AGAP1: variants seen among roughly 807,000 people sequenced by gnomAD.
AGAP1 encodes ArfGAP with GTPase domain, ankyrin repeat and PH domain 1.
In AGAP1, 29 loss-of-function variants were observed where a neutral mutation model predicts 105.3. That is an observed-to-expected ratio of 0.28 (90% CI 0.21 to 0.38). The LOEUF (loss-of-function observed/expected upper bound fraction) is 0.38. Among genes scored for constraint, AGAP1 ranks in the 10% least tolerant of loss-of-function variants. The pLI, the probability that AGAP1 is intolerant of heterozygous loss-of-function variation, is 1.00. For missense variants in AGAP1, 998 were observed against 1,165.1 expected, an observed-to-expected ratio of 0.86 and a Z score of 2.09; for synonymous variants, 509 against 485.9, an observed-to-expected ratio of 1.05 and a Z score of -0.63.
Position 235,551,721 on chromosome 2 carries a change from G to C in AGAP1, c.163+56872G>C, listed in dbSNP as rs756882476. 6.6e-6 allele frequency among the ~76,000 whole-genome samples: 1 copy of C among 152,238 alleles called. No individual in the cohort carries two copies. The highest frequency in any genetic ancestry group is 2.4e-5 in the African/African-American group (1 of 41,468). ...TGTTTGCTGAGCATTTGTGAGTGGA[G>C]CATCTTTAGGGAAAGCAGGACAAAC... On this transcript the variant is annotated intron_variant, in intron 1 of 17. Coordinates refer to ENST00000304032, the MANE Select transcript of AGAP1 (RefSeq NM_001037131.3). The surrounding 1 kb of genome is among the most constrained non-coding windows in gnomAD (Gnocchi z 4.8).
At chr2:236,032,819 T>C (rs2057265762) in intron 13 of AGAP1, among the ~76,000 whole-genome samples, 1 of 151,996 alleles carries the variant, frequency 6.6e-6, no homozygotes, top group South Asian at 2.1e-4. Flanking sequence ...AGGTAAAGGA[T>C]GCAGAGAGAC....
intron 1 of AGAP1, among the ~76,000 whole-genome samples, chr2:235,626,677 T>A (rs1323536459): frequency 6.6e-6 from 1 of 152,224 alleles, no homozygotes; most frequent in African/African-American, 2.4e-5. Context: ...ACCTGAGTAA[T>A]ACTAAAAATG....
Position 235,712,815 on chromosome 2 carries a change from T to G in AGAP1, c.222+3578T>G, listed in dbSNP as rs922634978. On this transcript the variant is annotated intron_variant, in intron 2 of 17. Coordinates refer to ENST00000304032, the MANE Select transcript of AGAP1 (RefSeq NM_001037131.3). This position sits in a 1 kb window ranked among gnomAD's most constrained non-coding sequence, Gnocchi z 6.0. ...TGTAGCTCTTTGGCTCGCTCTGGAT[T>G]GATTTCCTCCGTCTTGGTTTACTTC... Among the ~76,000 whole-genome samples, 1 of 152,222 alleles carries G rather than the reference T, an allele frequency of 6.6e-6. No homozygotes were observed. Among genetic ancestry groups the G allele is most frequent in the African/African-American group, 2.4e-5 (1 of 41,466 alleles).
Position 235,506,377 on chromosome 2 carries a change from G to A in AGAP1, c.163+11528G>A, listed in dbSNP as rs1405027386. Among the ~76,000 whole-genome samples the A allele has an allele frequency of 2.6e-5, 4 of 152,186 alleles. No individual in the cohort carries two copies. In the East Asian group the frequency reaches 7.7e-4, roughly 29 times the overall value. ...AGGCCAGGAGTTTGAGACCAGCCTA[G>A]GCACAGTGGCAAGTGCCTTTAGTCC... On this transcript the variant is annotated intron_variant, in intron 1 of 17. Coordinates refer to ENST00000304032, the MANE Select transcript of AGAP1 (RefSeq NM_001037131.3).
At position 235,609,389 on chromosome 2, in the gene AGAP1, G is replaced by C. The variant is rs574356043; in HGVS notation, c.164-99790G>C. Among the ~76,000 whole-genome samples, 53 of 152,312 alleles carry C rather than the reference G, an allele frequency of 3.5e-4. No homozygotes were observed. The highest frequency in any genetic ancestry group is 1.3e-4 in the Admixed American group (2 of 15,308). On this transcript the variant is annotated intron_variant, in intron 1 of 17. Transcript: ENST00000304032. The surrounding 1 kb of genome is among the most constrained non-coding windows in gnomAD (Gnocchi z 5.1). ...GGGAGAGCTTCAGAATGAGCGGGAA[G>C]CCTCCACAACAGGTGGAGAAAATAG...
intron 11 of AGAP1, among the ~76,000 whole-genome samples, chr2:235,928,096 C>T (rs1411140366): frequency 1.3e-5 from 2 of 152,162 alleles, no homozygotes; most frequent in Admixed American, 1.3e-4. Context: ...AGGGAGGTGC[C>T]CCCCCAATCG....
intron 1 of AGAP1, among the ~76,000 whole-genome samples, chr2:235,638,054 C>A (rs1251701089): frequency 6.6e-6 from 1 of 152,154 alleles, no homozygotes. Context: ...ATAGACACAC[C>A]CACAAATAAT....
At chr2:235,652,761 G>A (rs1338004197) in intron 1 of AGAP1, among the ~76,000 whole-genome samples, 3 of 152,034 alleles carry the variant, frequency 2.0e-5, no homozygotes, top group Non-Finnish European at 2.9e-5. Context: ...TTGTGGTGGC[G>A]GGTGCCTGTA....
rs1953738141 is a variant in AGAP1 at position 235,754,435 on chromosome 2, A to G, written c.673+3947A>G. ...ATGTTTGGCTTGTAAATAAAAAAAA[A>G]AAAAAAATCCAGCTGCTTCCATTGC... On this transcript the variant is annotated intron_variant, in intron 6 of 17. Coordinates refer to ENST00000304032, the MANE Select transcript of AGAP1 (RefSeq NM_001037131.3). The surrounding 1 kb of genome is among the most constrained non-coding windows in gnomAD (Gnocchi z 4.6). 6.6e-6 allele frequency among the ~76,000 whole-genome samples: 1 copy of G among 152,176 alleles called. No homozygotes were observed. Among genetic ancestry groups the G allele is most frequent in the African/African-American group, 2.4e-5 (1 of 41,448 alleles).
chr2:236,116,367 T>TTTTTTTTTTTTTTTGGGG (rs1553578895), intron 16 of AGAP1, among the ~76,000 whole-genome samples: 1 of 150,420 alleles, frequency 6.6e-6, no homozygotes, highest in African/African-American at 2.4e-5. Context: ...CTTTTTTTTT[T>TTTTTTTTTTTTTTTGGGG]GAGAGAGAGT....
chr2:235,786,618 G>C (rs1466184905), intron 6 of AGAP1, among the ~76,000 whole-genome samples: 1 of 152,132 alleles, frequency 6.6e-6, no homozygotes, highest in Non-Finnish European at 1.5e-5. Context: ...ATTGTTGTAG[G>C]GGTAATTATT....
chr2:236,122,041 T>C (rs2059912375), intron 17 of AGAP1, among the ~76,000 whole-genome samples: 1 of 148,856 alleles, frequency 6.7e-6, no homozygotes, highest in Non-Finnish European at 1.5e-5. Context: ...AACCTCAAAC[T>C]CCTGGGCTCA....
At chr2:236,015,128 T>A (rs954617794) in intron 13 of AGAP1, among the ~76,000 whole-genome samples, 1 of 152,238 alleles carries the variant, frequency 6.6e-6, no homozygotes, top group Non-Finnish European at 1.5e-5. Context: ...AGAGTAGTGA[T>A]GTTTAAATTA....
At chr2:236,037,527 A>C (rs545624424) in intron 14 of AGAP1, among the ~76,000 whole-genome samples, 74 of 152,230 alleles carry the variant, frequency 4.9e-4, no homozygotes, top group South Asian at 3.7e-3. Context: ...AGTTGCTGGG[A>C]CTACAGGCCT....
intron 9 of AGAP1, among the ~76,000 whole-genome samples, chr2:235,878,813 G>A (rs531561292): frequency 1.3e-5 from 2 of 152,318 alleles, no homozygotes; most frequent in African/African-American, 4.8e-5. Flanking sequence ...AAACTGTGGG[G>A]TGCAGCGGGA....
At chr2:235,764,322 T>A (rs2149801105) in intron 6 of AGAP1, among the ~76,000 whole-genome samples, 1 of 152,264 alleles carries the variant, frequency 6.6e-6, no homozygotes, top group Non-Finnish European at 1.5e-5. Flanking sequence ...GAAACCGATT[T>A]TCAGGGAAGA....
intron 1 of AGAP1, chr2:235,524,634 C>G (rs556788566): frequency 1.1e-5 from 2 of 173,962 alleles, no homozygotes; most frequent in East Asian, 1.9e-4. Context: ...ACATGCTTAC[C>G]GCTGGAGAGG....
intron 12 of AGAP1, among the ~76,000 whole-genome samples, chr2:235,952,611 A>T (rs10185187): frequency 0.032 from 4,771 of 151,186 alleles, 198 homozygotes; most frequent in African/African-American, 0.086. Flanking sequence ...GTTTTTTTTT[A>T]AAAAAAACTG....
At position 235,947,202 on chromosome 2, in the gene AGAP1, G is replaced by A. The variant is rs561126958; in HGVS notation, c.1483+16279G>A. 9.2e-5 allele frequency among the ~76,000 whole-genome samples: 14 copies of A among 152,122 alleles called. No homozygotes were observed. In the South Asian group the frequency reaches 1.9e-3, roughly 20 times the overall value. ...CCGAGCAGTGTACACTGTACCCAACGTGTAGTCTTTTATCCCTCGCCACCG... is the reference window on the plus strand; with the variant it reads ...CCGAGCAGTGTACACTGTACCCAACATGTAGTCTTTTATCCCTCGCCACCG... On this transcript the variant is annotated intron_variant, in intron 12 of 17. Transcript: ENST00000304032.
Sources: gnomAD v4.1 joint callset for allele counts (sites outside exome capture counted in the v4.1 genomes callset) on GRCh38, gnomAD v4.1.1 for gene constraint, Gnocchi (gnomAD v3.1) non-coding constraint, MANE v1.5 for transcripts, NCBI Gene and HGNC (gene_info 2026-07-23, HGNC 2026-07-21) for gene names.